EPM2A: variants seen among roughly 807,000 people sequenced by gnomAD.
EPM2A encodes laforin.
In EPM2A, 21 loss-of-function variants were observed where a neutral mutation model predicts 26.5. The ratio of observed to expected loss-of-function variants is 0.79; its 90% CI spans 0.56 to 1.14. The LOEUF (loss-of-function observed/expected upper bound fraction) is 1.14, where lower values mean the gene tolerates loss of function less well. EPM2A is among the 50% of genes most tolerant of loss of function. The pLI is 0.00. For missense variants in EPM2A, 458 were observed against 440.8 expected (o/e 1.04, Z -0.35); for synonymous variants, 217 against 177.6 (o/e 1.22, Z -1.76).
At chr6:145,671,644 G>C (rs1164793980) in intron 2 of EPM2A, among the ~76,000 whole-genome samples, 1 of 152,158 alleles carries the variant, frequency 6.6e-6, no homozygotes, top group African/African-American at 2.4e-5. Context: ...GTAAATGAGA[G>C]AGCTGAGGCT....
intron 4 of EPM2A, among the ~76,000 whole-genome samples, chr6:145,446,982 T>G (rs116615874): frequency 0.013 from 1,988 of 152,258 alleles, 47 homozygotes; most frequent in African/African-American, 0.046. Context: ...TAGATACAAG[T>G]TACTGTGTCA....
At chr6:145,591,284 T>C (rs986364104) in intron 2 of EPM2A, among the ~76,000 whole-genome samples, 19 of 152,214 alleles carry the variant, frequency 1.2e-4, no homozygotes, top group African/African-American at 4.6e-4. Context: ...AAAAAAACTA[T>C]TGGAAGTTAC....
chr6:145,586,487 C>A (rs1361340989), intron 2 of EPM2A, among the ~76,000 whole-genome samples: 1 of 152,210 alleles, frequency 6.6e-6, no homozygotes. Flanking sequence ...ATCAAAATAT[C>A]TTTTTAGAAC....
At chr6:145,575,884 A>G (rs2114830265) in intron 2 of EPM2A, among the ~76,000 whole-genome samples, 1 of 152,362 alleles carries the variant, frequency 6.6e-6, no homozygotes, top group East Asian at 1.9e-4. Context: ...CATTCTTGGT[A>G]CCAACATCTA....
At chr6:145,477,268 C>G (rs750965668) in intron 4 of EPM2A, among the ~76,000 whole-genome samples, 1 of 151,760 alleles carries the variant, frequency 6.6e-6, no homozygotes, top group South Asian at 2.1e-4. Context: ...TAACAAGAAA[C>G]GAGATCAAAG....
downstream of EPM2A, among the ~76,000 whole-genome samples, chr6:145,496,728 A>ATTTTTTTTTTTTTTTTT (rs1554244200): frequency 3.4e-4 from 36 of 106,894 alleles, 6 homozygotes; most frequent in Non-Finnish European, 5.1e-4. Context: ...AGTTCCTGCA[A>ATTTTTTTTTTTTTTTTT]TTTTTTTTTT....
chr6:145,404,762 A>T (rs1462375994), intron 4 of EPM2A, among the ~76,000 whole-genome samples: 1 of 152,084 alleles, frequency 6.6e-6, no homozygotes, highest in East Asian at 1.9e-4. Context: ...TGCAGTCACA[A>T]TTTGCTTTGG....
intron 1 of EPM2A, among the ~76,000 whole-genome samples, chr6:145,719,989 C>T (rs62433840): frequency 1.3e-3 from 191 of 152,224 alleles, no homozygotes; most frequent in Admixed American, 3.4e-3. Context: ...ACCAGAATAC[C>T]TAGAAGAGTT....
At chr6:145,586,765 A>G (rs933504358) in intron 2 of EPM2A, among the ~76,000 whole-genome samples, 1 of 152,178 alleles carries the variant, frequency 6.6e-6, no homozygotes, top group African/African-American at 2.4e-5. Context: ...GCAAACAGAT[A>G]ATTTTAGAAA....
chr6:145,689,636 C>G (rs1166777776), intron 1 of EPM2A, among the ~76,000 whole-genome samples: 1 of 152,216 alleles, frequency 6.6e-6, no homozygotes, highest in African/African-American at 2.4e-5. Flanking sequence ...ACAAGCCTAG[C>G]CAGACAGAAA....
intron 2 of EPM2A, among the ~76,000 whole-genome samples, chr6:145,581,506 C>G (rs1189648583): frequency 1.3e-5 from 2 of 152,114 alleles, no homozygotes; most frequent in Admixed American, 6.6e-5. Flanking sequence ...TTAATTAGGT[C>G]TAATTTGTCA....
chr6:145,389,482 T>C (rs1451632394), intron 4 of EPM2A, among the ~76,000 whole-genome samples: 3 of 152,128 alleles, frequency 2.0e-5, no homozygotes, highest in Non-Finnish European at 1.5e-5. Context: ...GTGAGTCACC[T>C]CGCCTGGCCC....
intron 2 of EPM2A, among the ~76,000 whole-genome samples, chr6:145,646,561 C>A (rs1396596722): frequency 6.6e-6 from 1 of 152,074 alleles, no homozygotes; most frequent in South Asian, 2.1e-4. Context: ...ACCCTACACA[C>A]ATTTATTCTT....
intron 4 of EPM2A, among the ~76,000 whole-genome samples, chr6:145,425,162 C>T (rs1778839074): frequency 6.6e-6 from 1 of 151,302 alleles, no homozygotes; most frequent in Admixed American, 6.6e-5. Context: ...TCCTTCCTTT[C>T]CTTCCGTCTC....
intron 2 of EPM2A, among the ~76,000 whole-genome samples, chr6:145,683,809 C>T (rs1391351103): frequency 6.6e-6 from 1 of 151,964 alleles, no homozygotes; most frequent in Non-Finnish European, 1.5e-5. Flanking sequence ...ACAGCTTGCC[C>T]CCAACACCTC....
intron 2 of EPM2A, among the ~76,000 whole-genome samples, chr6:145,650,260 G>C (rs922043951): frequency 1.3e-4 from 19 of 151,962 alleles, no homozygotes; most frequent in Non-Finnish European, 2.8e-4. Flanking sequence ...CAAAAATATT[G>C]ATGTCCTTGA....
At chr6:145,587,807 T>C (rs1188987900) in intron 2 of EPM2A, among the ~76,000 whole-genome samples, 5 of 152,202 alleles carry the variant, frequency 3.3e-5, no homozygotes, top group Non-Finnish European at 5.9e-5. Context: ...TTTTAGTGCT[T>C]TATGAAACAT....
At chr6:145,631,191 C>T (rs563415502) in intron 3 of EPM2A, 1 of 152,050 alleles carries the variant, frequency 6.6e-6, no homozygotes, top group African/African-American at 2.4e-5. Context: ...GGAAGTCTAA[C>T]CTAATATGTG....
intron 2 of EPM2A, among the ~76,000 whole-genome samples, chr6:145,606,171 A>C (rs908953677): frequency 3.3e-5 from 5 of 152,130 alleles, no homozygotes; most frequent in African/African-American, 1.2e-4. Flanking sequence ...AGGAAAAAAA[A>C]CACAATTGCT....
Sources: gnomAD v4.1 joint callset for allele counts (sites outside exome capture counted in the v4.1 genomes callset) on GRCh38, gnomAD v4.1.1 for gene constraint, MANE v1.5 for transcripts, NCBI Gene and HGNC (gene_info 2026-07-23, HGNC 2026-07-21) for gene names.